ARHGAP8: variants seen among roughly 807,000 people sequenced by gnomAD.
The protein encoded by ARHGAP8 is rho GTPase-activating protein 8.
Under a neutral mutation model 46.1 loss-of-function variants are expected in ARHGAP8, and 62 were observed. The ratio of observed to expected loss-of-function variants is 1.34; its 90% confidence interval spans 1.10 to 1.66. The LOEUF (loss-of-function observed/expected upper bound fraction) is 1.66, where lower values mean the gene tolerates loss of function less well. Ranked by LOEUF, ARHGAP8 falls within the 40% of genes most tolerant of loss-of-function variation. The pLI is 0.00. For synonymous variants in ARHGAP8, 375 were observed against 243.1 expected, an observed-to-expected ratio of 1.54 and a Z score of -5.05; for missense variants, 923 against 568.4, an observed-to-expected ratio of 1.62 and a Z score of -6.34.
In ARHGAP8 at chr22:44,862,436, CAGCACCCCGGA is replaced by C. The variant is rs1047162617; in HGVS notation, c.1144_1154del (p.Ser382GlyfsTer89). 1.2e-6 allele frequency: 2 copies of C among 1,614,046 alleles called. No homozygotes were observed. Among genetic ancestry groups the C allele is most frequent in the Non-Finnish European group, 1.7e-6 (2 of 1,180,020 alleles). Reference sequence around the variant, plus strand: ...TGATCGAGTACTATGAAAAGATCTTCAGCACCCCGGAGGCACCTGGGGAGCACGGCCTGGCA... The same window carrying C: ...TGATCGAGTACTATGAAAAGATCTTCGGCACCTGGGGAGCACGGCCTGGCA... On this transcript the variant is annotated frameshift_variant, in exon 12 of 12. Coordinates refer to ENST00000356099, the MANE Select transcript of ARHGAP8 (RefSeq NM_181335.3). LOFTEE classifies it low-confidence loss of function (END_TRUNC).
At chr22:44,860,386 A>T (rs919274817) in intron 11 of ARHGAP8, among the ~76,000 whole-genome samples, 2 of 152,002 alleles carry the variant, frequency 1.3e-5, no homozygotes, top group South Asian at 4.2e-4. Context: ...GGCCTCTCCC[A>T]GCTCCTGGTC....
At chr22:44,853,504 G>A (rs1053159447) in intron 10 of ARHGAP8, among the ~76,000 whole-genome samples, 8 of 152,188 alleles carry the variant, frequency 5.3e-5, no homozygotes, top group African/African-American at 7.2e-5. Context: ...AGCGTGCGCC[G>A]TAGTTTTCCA....
intron 1 of ARHGAP8, among the ~76,000 whole-genome samples, chr22:44,768,997 G>C (rs1222947732): frequency 6.6e-6 from 1 of 152,068 alleles, no homozygotes; most frequent in Admixed American, 6.6e-5. Context: ...ATCATGCCTG[G>C]CTAATTTTTG....
rs146821040 is a variant in ARHGAP8, at chr22:44,842,339, A to G, written c.597-2930A>G. Reference sequence around the variant, plus strand: ...GCCACTGCACTCCAGCCTGGGGGACAGAGCGAGACTCCATCTCAAAACAAA... The same window carrying G: ...GCCACTGCACTCCAGCCTGGGGGACGGAGCGAGACTCCATCTCAAAACAAA... On this transcript the variant is annotated intron_variant, in intron 7 of 11. Transcript: ENST00000356099. Among the ~76,000 whole-genome samples, 1,091 of 152,224 alleles carry G rather than the reference A, an allele frequency of 7.2e-3. 11 individuals are homozygous for G. Among genetic ancestry groups the G allele is most frequent in the African/African-American group, 0.024 (1,010 of 41,486 alleles).
chr22:44,824,236 T>C (rs984430353), intron 6 of ARHGAP8, among the ~76,000 whole-genome samples: 2 of 152,076 alleles, frequency 1.3e-5, no homozygotes, highest in Non-Finnish European at 2.9e-5. Flanking sequence ...ATCTGTAAAG[T>C]AGACAAAATA....
At chr22:44,846,907 A>AG (rs1483602211) in intron 8 of ARHGAP8, among the ~76,000 whole-genome samples, 1 of 151,664 alleles carries the variant, frequency 6.6e-6, no homozygotes, top group African/African-American at 2.4e-5. Flanking sequence ...GGCTTCCCTG[A>AG]GGGAGGGGCA....
intron 1 of ARHGAP8, among the ~76,000 whole-genome samples, chr22:44,775,829 C>T (rs957414545): frequency 3.3e-5 from 5 of 152,130 alleles, no homozygotes; most frequent in Admixed American, 2.0e-4. Flanking sequence ...ATCAGTTTAT[C>T]TATATTATGT....
chr22:44,827,627 G>A (rs1289328178), intron 7 of ARHGAP8, among the ~76,000 whole-genome samples: 1 of 152,130 alleles, frequency 6.6e-6, no homozygotes, highest in African/African-American at 2.4e-5. Context: ...ACAGGTGTGA[G>A]CCACCTCGCC....
chr22:44,811,184 G>A (rs1344504133), intron 4 of ARHGAP8, among the ~76,000 whole-genome samples: 1 of 152,246 alleles, frequency 6.6e-6, no homozygotes, highest in East Asian at 1.9e-4. Flanking sequence ...CCGCTTGGGA[G>A]AAAGCAGCAG....
chr22:44,825,414 C>G, intron 6 of ARHGAP8, 69 bp from the exon 7 acceptor site: 1 of 1,541,210 alleles, frequency 6.5e-7, no homozygotes, highest in Non-Finnish European at 8.8e-7. Flanking sequence ...GCATCCAGCC[C>G]CACCCAGCGC....
At chr22:44,836,453 CATA>C (rs1446656414) in intron 7 of ARHGAP8, among the ~76,000 whole-genome samples, 2 of 151,858 alleles carry the variant, frequency 1.3e-5, no homozygotes, top group African/African-American at 4.8e-5. Context: ...TGACTCCAGA[CATA>C]ATAATTTGCC....
chr22:44,824,842 G>A (rs538486098), intron 6 of ARHGAP8, among the ~76,000 whole-genome samples: 21 of 151,740 alleles, frequency 1.4e-4, no homozygotes, highest in Non-Finnish European at 2.7e-4. Context: ...CATGTTGGCC[G>A]GGCTGGTCTC....
chr22:44,860,554 G>T (rs961165526), intron 11 of ARHGAP8, among the ~76,000 whole-genome samples: 2 of 86,822 alleles, frequency 2.3e-5, no homozygotes, highest in African/African-American at 7.9e-5. Context: ...GATCCTCAAC[G>T]ACAGCTGCAA....
intron 1 of ARHGAP8, among the ~76,000 whole-genome samples, chr22:44,782,050 T>C (rs1292624043): frequency 2.0e-5 from 3 of 151,838 alleles, no homozygotes; most frequent in Admixed American, 1.3e-4. Context: ...TTAACCACTT[T>C]AGGGCCGGGT....
At chr22:44,844,959 C>G (rs1048102454) in intron 7 of ARHGAP8, among the ~76,000 whole-genome samples, 3 of 152,184 alleles carry the variant, frequency 2.0e-5, no homozygotes, top group Admixed American at 2.0e-4. Flanking sequence ...CTCTTTTGTC[C>G]TCTGGCAGGC....
chr22:44,860,099 T>C (rs900282666), intron 11 of ARHGAP8, among the ~76,000 whole-genome samples: 1 of 152,148 alleles, frequency 6.6e-6, no homozygotes, highest in Non-Finnish European at 1.5e-5. Flanking sequence ...CAGTGACTTT[T>C]GTTATTGGGG....
chr22:44,860,298 T>C (rs894367049), intron 11 of ARHGAP8, among the ~76,000 whole-genome samples: 1 of 152,144 alleles, frequency 6.6e-6, no homozygotes, highest in African/African-American at 2.4e-5. Context: ...GTGTCACTCT[T>C]CTAGAGGCTA....
intron 2 of ARHGAP8, among the ~76,000 whole-genome samples, chr22:44,798,302 G>A (rs1438394546): frequency 2.0e-5 from 3 of 151,856 alleles, no homozygotes; most frequent in Non-Finnish European, 4.4e-5. Flanking sequence ...AGACAAGGAA[G>A]GTCTCATTAT....
At chr22:44,763,705 CAGG>C (rs909214644) in intron 1 of ARHGAP8, among the ~76,000 whole-genome samples, 8 of 150,952 alleles carry the variant, frequency 5.3e-5, no homozygotes, top group African/African-American at 2.0e-4. Flanking sequence ...GGAGTTTTGG[CAGG>C]AGAAGGGGAG....
Sources: gnomAD v4.1 joint callset for allele counts (sites outside exome capture counted in the v4.1 genomes callset) on GRCh38, gnomAD v4.1.1 for gene constraint, MANE v1.5 for transcripts, NCBI Gene and HGNC (gene_info 2026-07-23, HGNC 2026-07-21) for gene names.